The following RHOG variants were observed in gnomAD, a reference collection of about 807,000 sequenced individuals.
RHOG encodes rho-related GTP-binding protein RhoG.
RHOG carries 1 observed loss-of-function variant against 12.3 expected under a neutral mutation model. The ratio of observed to expected loss-of-function variants is 0.08; its 90% CI spans 0.03 to 0.39. The LOEUF is 0.39. RHOG is among the 10% of genes least tolerant of loss of function. The pLI, the probability that RHOG is intolerant of heterozygous loss-of-function variation, is 0.99. For synonymous variants in RHOG, 129 were observed against 116.0 expected (o/e 1.11, Z -0.72); for missense variants, 114 against 266.2 (o/e 0.43, Z 3.98).
intron 1 of RHOG, among the ~76,000 whole-genome samples, chr11:3,836,013 T>C (rs2090153460): frequency 6.8e-6 from 1 of 147,958 alleles, no homozygotes; most frequent in Non-Finnish European, 1.5e-5. Flanking sequence ...TTTCTCCCCA[T>C]CAGCAGGGAA....
chr11:3,827,289 G>T lies in RHOG; in HGVS notation c.*274C>A. The T allele has an allele frequency of 2.0e-6, 1 of 495,822 alleles. No individual in the cohort carries two copies. Among genetic ancestry groups the T allele is most frequent in the Non-Finnish European group, 3.6e-6 (1 of 275,738 alleles). 30.7% of individuals were successfully genotyped at this position (495,822 alleles called of 1,614,324 possible). ...GGTCAGTAGCGGAAAATGGGAGGGG[G>T]CACTGGGTTGGCCTCTTGGGGAGGG... is the stretch of plus-strand genomic sequence containing the variant. On this transcript the variant is annotated 3_prime_UTR_variant, in exon 2 of 2. Coordinates refer to ENST00000351018, the MANE Select transcript of RHOG (RefSeq NM_001665.4). This position sits in a 1 kb window ranked among gnomAD's most constrained non-coding sequence, Gnocchi z 7.3.
intron 1 of RHOG, among the ~76,000 whole-genome samples, chr11:3,838,649 C>A (rs967246939): frequency 3.5e-5 from 5 of 140,932 alleles, no homozygotes; most frequent in Admixed American, 6.9e-5. Flanking sequence ...ACGACTGTGA[C>A]ATGGGAAGAT....
intron 1 of RHOG, among the ~76,000 whole-genome samples, chr11:3,839,484 GAACACACA>G (rs1565085532): frequency 2.1e-5 from 2 of 97,440 alleles, no homozygotes; most frequent in African/African-American, 8.6e-5. Flanking sequence ...ACGCGCGCGC[GAACACACA>G]CACACACACA....
intron 1 of RHOG, among the ~76,000 whole-genome samples, chr11:3,839,573 A>C (rs955630499): frequency 6.8e-6 from 1 of 146,132 alleles, no homozygotes; most frequent in Admixed American, 6.8e-5. Flanking sequence ...ATGTAGATAC[A>C]CAGACACGCG....
At chr11:3,833,399 C>T (rs189547602) in intron 1 of RHOG, among the ~76,000 whole-genome samples, 58 of 152,290 alleles carry the variant, frequency 3.8e-4, no homozygotes, top group Admixed American at 3.3e-4. Context: ...GGATTATGGG[C>T]GTGGGCCACC....
At chr11:3,829,249 ATTTTTT>A (rs869157708) in intron 1 of RHOG, among the ~76,000 whole-genome samples, 1 of 92,722 alleles carries the variant, frequency 1.1e-5, no homozygotes. Flanking sequence ...CAATGGGGAA[ATTTTTT>A]TTTTTTTTTT....
rs1299392496 is a variant in RHOG, at chr11:3,828,212, G to C, written c.-68-6C>G. On this transcript the variant is annotated splice_region_variant and splice_polypyrimidine_tract_variant and intron_variant, in intron 1 of 1. Transcript: ENST00000351018. ...ACCCCTCTGGCTGCAGTGACCTGTG[G>C]ACAGATGAAAGGGGACATTCTTGGT... is the stretch of plus-strand genomic sequence containing the variant. 1.2e-5 allele frequency: 16 copies of C among 1,378,710 alleles called. No homozygotes were observed. The highest frequency in any genetic ancestry group is 1.6e-5 in the Non-Finnish European group (16 of 998,460). The allele number at this position is 1,378,710 out of a possible 1,614,324, so 85.4% of individuals were successfully genotyped here.
intron 1 of RHOG, among the ~76,000 whole-genome samples, chr11:3,830,167 T>G (rs928882744): frequency 1.3e-5 from 2 of 152,218 alleles, no homozygotes; most frequent in African/African-American, 4.8e-5. Context: ...TGAAAGATTT[T>G]AGAGACTTCC....
intron 1 of RHOG, among the ~76,000 whole-genome samples, chr11:3,836,899 T>A (rs1427349129): frequency 2.0e-5 from 1 of 50,882 alleles, no homozygotes; most frequent in Non-Finnish European, 3.2e-5. Context: ...CAAGACTCCA[T>A]CTCAAAAAAA....
chr11:3,829,383 T>C (rs561258058), intron 1 of RHOG, among the ~76,000 whole-genome samples: 1 of 151,718 alleles, frequency 6.6e-6, no homozygotes, highest in East Asian at 2.0e-4. Context: ...CCCGAGTGGC[T>C]GGGACTACAG....
rs79647225 is a variant in RHOG, at chr11:3,832,509, C to T, written c.-68-4303G>A. Among the ~76,000 whole-genome samples the T allele has an allele frequency of 8.8e-3, 1,343 of 152,284 alleles. 19 individuals carry two copies. Among genetic ancestry groups the T allele is most frequent in the African/African-American group, 0.03 (1,242 of 41,544 alleles). ...GTACCCCTCCCAGCCTCAAGGGCAG[C>T]ATCAAGGAACCTGACCATGGGAATG... On this transcript the variant is annotated intron_variant, in intron 1 of 1. Coordinates refer to ENST00000351018, the MANE Select transcript of RHOG (RefSeq NM_001665.4).
Position 3,839,290 on chromosome 11 carries a change from C to G in RHOG, c.-69+1604G>C, listed in dbSNP as rs147049950. ...TGGGGTGATTTTGATTTCCCACGGC[C>G]TCTCTTACAAGTCTTATTCCTGTGT... On this transcript the variant is annotated intron_variant, in intron 1 of 1. Coordinates refer to ENST00000351018, the MANE Select transcript of RHOG (RefSeq NM_001665.4). 2.0e-3 allele frequency among the ~76,000 whole-genome samples: 300 copies of G among 152,224 alleles called. 2 individuals are homozygous for G. Among genetic ancestry groups the G allele is most frequent in the African/African-American group, 7.1e-3 (293 of 41,534 alleles).
At position 3,827,525 on chromosome 11, in the gene RHOG, G is replaced by A. The variant is rs1338535366; in HGVS notation, c.*38C>T. 1 of 1,536,066 alleles carries A rather than the reference G, an allele frequency of 6.5e-7. No individual in the cohort carries two copies. Among genetic ancestry groups the A allele is most frequent in the Non-Finnish European group, 8.9e-7 (1 of 1,126,800 alleles). On this transcript the variant is annotated 3_prime_UTR_variant, in exon 2 of 2. Coordinates refer to ENST00000351018, the MANE Select transcript of RHOG (RefSeq NM_001665.4). The surrounding 1 kb of genome is among the most constrained non-coding windows in gnomAD (Gnocchi z 7.3). ...CAAGGCACCAAGGCACAACTGGTGG[G>A]GGGAGGGCAGGGGCAGCCTCCAAGC...
intron 1 of RHOG, among the ~76,000 whole-genome samples, chr11:3,838,685 C>G (rs748961946): frequency 6.6e-6 from 1 of 152,144 alleles, no homozygotes; most frequent in Non-Finnish European, 1.5e-5. Context: ...AGGGAGAGCC[C>G]TTAAATTTAG....
In RHOG at chr11:3,827,390, T is replaced by C; in HGVS notation, c.*173A>G. 3 of 611,598 alleles carry C rather than the reference T, an allele frequency of 4.9e-6. No individual in the cohort carries two copies. The highest frequency in any genetic ancestry group is 8.6e-6 in the Non-Finnish European group (3 of 347,956). 37.9% of individuals were successfully genotyped at this position (611,598 alleles called of 1,614,324 possible). The stretch of plus-strand genomic sequence containing the variant: ...AGAGGGGGGCAGAGCCCAAAGCCCC[T>C]TTCTCTGCAGGCCTCCTTAAGGAGA... On this transcript the variant is annotated 3_prime_UTR_variant, in exon 2 of 2. Coordinates refer to ENST00000351018, the MANE Select transcript of RHOG (RefSeq NM_001665.4). The surrounding 1 kb of genome is among the most constrained non-coding windows in gnomAD (Gnocchi z 7.3).
At chr11:3,839,632 C>G (rs1337754590) in intron 1 of RHOG, among the ~76,000 whole-genome samples, 1 of 150,280 alleles carries the variant, frequency 6.7e-6, no homozygotes, top group East Asian at 2.0e-4. Flanking sequence ...CACACACAGG[C>G]TTTCCAGCTC....
In RHOG at chr11:3,829,630, G is replaced by A. The variant is rs549381959; in HGVS notation, c.-68-1424C>T. ...TGCCAATTCAATGCAGGGGAATACTGGAGATTCAGTTGGACCTGGGATTTG... is the reference window on the plus strand; with the variant it reads ...TGCCAATTCAATGCAGGGGAATACTAGAGATTCAGTTGGACCTGGGATTTG... On this transcript the variant is annotated intron_variant, in intron 1 of 1. Transcript: ENST00000351018. Among the ~76,000 whole-genome samples the A allele has an allele frequency of 5.3e-5, 8 of 152,226 alleles. No individual in the cohort carries two copies. In the South Asian group the frequency reaches 1.4e-3, roughly 28 times the overall value.
intron 1 of RHOG, among the ~76,000 whole-genome samples, chr11:3,832,092 A>G (rs530616309): frequency 7.2e-5 from 11 of 152,286 alleles, no homozygotes; most frequent in African/African-American, 2.6e-4. Context: ...GCAGTGTGGT[A>G]TAGGGCCAAG....
intron 1 of RHOG, among the ~76,000 whole-genome samples, chr11:3,836,859 C>A (rs551788295): frequency 5.9e-5 from 8 of 135,322 alleles, no homozygotes; most frequent in African/African-American, 2.2e-4. Flanking sequence ...GCTGAGATCG[C>A]GCCATTGCAC....
Sources: gnomAD v4.1 joint callset for allele counts (sites outside exome capture counted in the v4.1 genomes callset) on GRCh38, gnomAD v4.1.1 for gene constraint, Gnocchi (gnomAD v3.1) non-coding constraint, MANE v1.5 for transcripts, NCBI Gene and HGNC (gene_info 2026-07-23, HGNC 2026-07-21) for gene names.